The following CDH20 variants were observed in gnomAD, a reference collection of about 807,000 sequenced individuals.
The protein encoded by CDH20 is cadherin-20.
In CDH20, 29 loss-of-function variants were observed where a neutral mutation model predicts 74.2. The ratio of observed to expected loss-of-function variants is 0.39; its 90% CI spans 0.29 to 0.53. The LOEUF is 0.53. Among genes scored for constraint, CDH20 ranks in the 20% least tolerant of loss-of-function variants. The probability of loss-of-function intolerance (pLI) is 0.69; values close to 1 mark genes in which losing one functional copy is unlikely to be tolerated. For missense variants in CDH20, 988 were observed against 1,048.3 expected, an observed-to-expected ratio of 0.94 and a Z score of 0.79; for synonymous variants, 469 against 405.4, an observed-to-expected ratio of 1.16 and a Z score of -1.88.
intron 5 of CDH20, among the ~76,000 whole-genome samples, chr18:61,504,506 A>C (rs1290625245): frequency 6.6e-6 from 1 of 152,194 alleles, no homozygotes; most frequent in African/African-American, 2.4e-5. Context: ...TTCAGATTTG[A>C]ATATGAAGTG....
At chr18:61,514,471 T>C (rs1023590805) in intron 6 of CDH20, among the ~76,000 whole-genome samples, 6 of 152,350 alleles carry the variant, frequency 3.9e-5, no homozygotes, top group African/African-American at 1.2e-4. Flanking sequence ...CAGAGTAATT[T>C]GATCCTCTGA....
At chr18:61,550,671 G>A (rs1913402134) in intron 11 of CDH20, among the ~76,000 whole-genome samples, 1 of 152,302 alleles carries the variant, frequency 6.6e-6, no homozygotes, top group African/African-American at 2.4e-5. Context: ...AAAGTCAGAG[G>A]CACAGCCAGG....
intron 1 of CDH20, among the ~76,000 whole-genome samples, chr18:61,427,110 G>A (rs1328057887): frequency 6.6e-6 from 1 of 152,064 alleles, no homozygotes; most frequent in Non-Finnish European, 1.5e-5. Flanking sequence ...GAGGAAATAG[G>A]ATCAAGAAAG....
At chr18:61,337,381 T>C (rs1909793746) in intron 1 of CDH20, among the ~76,000 whole-genome samples, 1 of 152,232 alleles carries the variant, frequency 6.6e-6, no homozygotes, top group Non-Finnish European at 1.5e-5. Context: ...ATATTTTATT[T>C]ATATGTAAAC....
rs185849511 is a variant in CDH20 at position 61,399,195 on chromosome 18, T to C, written c.-153+65368T>C. On this transcript the variant is annotated intron_variant, in intron 1 of 11. Transcript: ENST00000262717. ...CATAGTCATTCATTGCTAATTCACA[T>C]TGGGTTTTCAGTGGGGTTCATAGAA... Among the ~76,000 whole-genome samples, 457 of 152,256 alleles carry C rather than the reference T, an allele frequency of 3.0e-3. 9 individuals carry two copies. Among genetic ancestry groups the C allele is most frequent in the South Asian group, 0.02 (97 of 4,816 alleles).
intron 10 of CDH20, chr18:61,549,772 T>C (rs1050677055): frequency 1.1e-4 from 61 of 579,820 alleles, no homozygotes; most frequent in Non-Finnish European, 1.5e-4. Context: ...TTCTTAGGCC[T>C]CAGGGTTTTG....
At chr18:61,534,315 G>C (rs545084554) in intron 7 of CDH20, among the ~76,000 whole-genome samples, 1 of 152,190 alleles carries the variant, frequency 6.6e-6, no homozygotes, top group African/African-American at 2.4e-5. Context: ...GTAGAAAACA[G>C]TATGGAGGTT....
At chr18:61,349,704 T>A (rs1458460492) in intron 1 of CDH20, among the ~76,000 whole-genome samples, 1 of 150,150 alleles carries the variant, frequency 6.7e-6, no homozygotes, top group East Asian at 2.0e-4. Context: ...TGCAGCAACA[T>A]CCTAAATTAG....
chr18:61,428,215 A>C (rs1390088066), intron 1 of CDH20, among the ~76,000 whole-genome samples: 1 of 152,044 alleles, frequency 6.6e-6, no homozygotes, highest in Non-Finnish European at 1.5e-5. Flanking sequence ...TAGGGTGGGG[A>C]GGTGTCAGGG....
chr18:61,510,980 C>CT (rs112741210), intron 6 of CDH20, among the ~76,000 whole-genome samples: 53,553 of 135,796 alleles, frequency 0.39, 11,176 homozygotes, highest in African/African-American at 0.55. Flanking sequence ...TTCTTTCTTT[C>CT]TTTTTTTTTT....
chr18:61,462,849 G>A (rs1909832239), intron 1 of CDH20, among the ~76,000 whole-genome samples: 1 of 151,990 alleles, frequency 6.6e-6, no homozygotes, highest in Admixed American at 6.6e-5. Context: ...AGAAAACAAA[G>A]TTCAAAAGGT....
chr18:61,406,805 C>A (rs1912345116), intron 1 of CDH20, among the ~76,000 whole-genome samples: 1 of 152,072 alleles, frequency 6.6e-6, no homozygotes, highest in South Asian at 2.1e-4. Context: ...TGAAATAAAG[C>A]CATAGTAAGT....
intron 6 of CDH20, among the ~76,000 whole-genome samples, chr18:61,527,609 G>T (rs139491940): frequency 1.3e-5 from 2 of 152,256 alleles, no homozygotes; most frequent in African/African-American, 4.8e-5. Flanking sequence ...GGCAAATTGG[G>T]CCCAGGAGTG....
intron 1 of CDH20, among the ~76,000 whole-genome samples, chr18:61,411,800 C>T (rs186765577): frequency 8.8e-4 from 134 of 152,128 alleles, no homozygotes; most frequent in Non-Finnish European, 1.5e-3. Context: ...CGCTATGACA[C>T]TGCAAAAGCA....
At chr18:61,408,097 T>G (rs973925145) in intron 1 of CDH20, among the ~76,000 whole-genome samples, 1 of 152,146 alleles carries the variant, frequency 6.6e-6, no homozygotes, top group East Asian at 1.9e-4. Context: ...AATAAAAAAT[T>G]TAAAAGCGAA....
chr18:61,552,185 T>G lies in CDH20; in HGVS notation c.1900+1956T>G, dbSNP rs1053592236. Among the ~76,000 whole-genome samples the G allele has an allele frequency of 3.6e-5, 5 of 138,276 alleles. No homozygotes were observed. In the East Asian group the frequency reaches 1.1e-3, roughly 30 times the overall value. 90.7% of individuals were successfully genotyped at this position (138,276 alleles called of 152,430 possible). ...ATTCTGACTTCCTGGGTTTTTTTTT[T>G]TCATGTCTCATATATGTATCTAGTG... is the stretch of plus-strand genomic sequence containing the variant. On this transcript the variant is annotated intron_variant, in intron 11 of 11. Coordinates refer to ENST00000262717, the MANE Select transcript of CDH20 (RefSeq NM_031891.4).
chr18:61,507,273 A>T, intron 5 of CDH20, 100 bp from the exon 6 acceptor site: 1 of 1,175,972 alleles, frequency 8.5e-7, no homozygotes, highest in Non-Finnish European at 1.2e-6. Context: ...TTGAACCCAG[A>T]AAAAAAGATA....
At chr18:61,544,996 C>A in intron 9 of CDH20, 31 bp from the exon 10 acceptor site, 1 of 1,471,956 alleles carries the variant, frequency 6.8e-7, no homozygotes, top group Non-Finnish European at 9.5e-7. Flanking sequence ...CCTTTGGCTC[C>A]AACTCACCTG....
At position 61,447,937 on chromosome 18, in the gene CDH20, G is replaced by A. The variant is rs73963100; in HGVS notation, c.-152-42465G>A. Among the ~76,000 whole-genome samples, 587 of 152,236 alleles carry A rather than the reference G, an allele frequency of 3.9e-3. 1 individual carries two copies. The highest frequency in any genetic ancestry group is 0.013 in the African/African-American group (561 of 41,566). On this transcript the variant is annotated intron_variant, in intron 1 of 11. Coordinates refer to ENST00000262717, the MANE Select transcript of CDH20 (RefSeq NM_031891.4). ...GGGCAGCCGATTTCTACCCACACAA[G>A]AGCTGCTCTCAGCAGTCCTCTGGTA...
Sources: allele counts gnomAD v4.1 joint callset (sites outside exome capture counted in the v4.1 genomes callset), GRCh38; gene constraint gnomAD v4.1.1; transcripts MANE v1.5; gene names NCBI Gene and HGNC (gene_info 2026-07-23, HGNC 2026-07-21).